Variants in SCHIP1 observed in about 807,000 individuals in gnomAD.
SCHIP1 encodes schwannomin-interacting protein 1.
In SCHIP1, 8 loss-of-function variants were observed where a neutral mutation model predicts 29.7. The observed-to-expected ratio is 0.27, with a 90% CI of 0.16 to 0.49. The LOEUF (loss-of-function observed/expected upper bound fraction) is 0.49, where lower values mean the gene tolerates loss of function less well. Ranked by LOEUF, SCHIP1 falls within the 20% of genes least tolerant of loss-of-function variation. The pLI is 0.99. For synonymous variants in SCHIP1, 76 were observed against 94.9 expected, an observed-to-expected ratio of 0.80 and a Z score of 1.16; for missense variants, 193 against 294.6, an observed-to-expected ratio of 0.66 and a Z score of 2.52.
chr3:159,313,839 T>A, the SCHIP1 span, among the ~76,000 whole-genome samples: 2 of 152,204 alleles, frequency 1.3e-5, no homozygotes, highest in Non-Finnish European at 2.9e-5. Context: ...TTCTATCACC[T>A]TAACTCCTTT....
At chr3:159,391,166 T>C in the SCHIP1 span, among the ~76,000 whole-genome samples, 10 of 152,330 alleles carry the variant, frequency 6.6e-5, no homozygotes, top group African/African-American at 1.9e-4. Flanking sequence ...TGTCCCATTA[T>C]AGTGGACATG....
At chr3:159,875,067 G>T (rs532403591) in intron 2 of SCHIP1, among the ~76,000 whole-genome samples, 3 of 149,060 alleles carry the variant, frequency 2.0e-5, no homozygotes, top group Non-Finnish European at 4.4e-5. Context: ...CTCCTCTAAG[G>T]ATTGCTTCCA....
intron 1 of SCHIP1, among the ~76,000 whole-genome samples, chr3:159,842,879 A>AC (rs957212377): frequency 4.0e-5 from 6 of 150,662 alleles, no homozygotes; most frequent in Admixed American, 2.6e-4. Flanking sequence ...TGTCGCCTCT[A>AC]CCCCCATCCA....
chr3:159,696,307 A>T, the SCHIP1 span, among the ~76,000 whole-genome samples: 2 of 152,082 alleles, frequency 1.3e-5, no homozygotes, highest in East Asian at 3.9e-4. Context: ...TCACACCTCC[A>T]TTATCTCACA....
chr3:159,717,829 G>A, the SCHIP1 span, among the ~76,000 whole-genome samples: 1 of 152,162 alleles, frequency 6.6e-6, no homozygotes, highest in Non-Finnish European at 1.5e-5. Context: ...CATTCCTTCT[G>A]AAACTATTCC....
the SCHIP1 span, among the ~76,000 whole-genome samples, chr3:159,498,165 A>G: frequency 9.8e-3 from 1,495 of 152,344 alleles, 29 homozygotes; most frequent in African/African-American, 0.034. Flanking sequence ...ATCTACATAA[A>G]AAGATCAGCC....
At chr3:159,651,853 T>A in the SCHIP1 span, among the ~76,000 whole-genome samples, 3 of 152,128 alleles carry the variant, frequency 2.0e-5, no homozygotes, top group African/African-American at 7.2e-5. Context: ...TAGGTCCACT[T>A]TGGGAGGCTG....
chr3:159,303,757 C>T, the SCHIP1 span, among the ~76,000 whole-genome samples: 2,674 of 152,044 alleles, frequency 0.018, 78 homozygotes, highest in African/African-American at 0.062. Context: ...ATTTTTAATT[C>T]AAAAATAACA....
At chr3:159,865,789 A>G (rs1030955163) in intron 1 of SCHIP1, among the ~76,000 whole-genome samples, 1 of 152,238 alleles carries the variant, frequency 6.6e-6, no homozygotes, top group African/African-American at 2.4e-5. Flanking sequence ...GATCAGGGAA[A>G]GGGCACATTT....
At chr3:159,336,424 C>T in the SCHIP1 span, among the ~76,000 whole-genome samples, 1 of 152,128 alleles carries the variant, frequency 6.6e-6, no homozygotes, top group Non-Finnish European at 1.5e-5. Flanking sequence ...TAGCCCATGC[C>T]TATGTCCTGA....
At chr3:159,525,130 T>A in the SCHIP1 span, among the ~76,000 whole-genome samples, 1 of 152,218 alleles carries the variant, frequency 6.6e-6, no homozygotes, top group Non-Finnish European at 1.5e-5. Flanking sequence ...CATGTTCAAA[T>A]GTCACATTAT....
At chr3:159,504,789 A>T in the SCHIP1 span, among the ~76,000 whole-genome samples, 1 of 152,172 alleles carries the variant, frequency 6.6e-6, no homozygotes, top group Non-Finnish European at 1.5e-5. Flanking sequence ...GTGCTGGAGA[A>T]AACTCTGTGA....
the SCHIP1 span, among the ~76,000 whole-genome samples, chr3:159,398,034 G>GT: frequency 6.6e-6 from 1 of 152,214 alleles, no homozygotes. Flanking sequence ...CTGGTGTGCT[G>GT]TTTTTTAAGC....
chr3:159,588,154 C>T, the SCHIP1 span, among the ~76,000 whole-genome samples: 1 of 152,124 alleles, frequency 6.6e-6, no homozygotes, highest in Non-Finnish European at 1.5e-5. Context: ...TTTTAATGAT[C>T]ACCATTCTAA....
the SCHIP1 span, among the ~76,000 whole-genome samples, chr3:159,463,355 T>C: frequency 6.6e-6 from 1 of 152,176 alleles, no homozygotes; most frequent in East Asian, 1.9e-4. Flanking sequence ...ACTTTGTTTT[T>C]AGTATTTTCT....
chr3:159,275,627 T>C, the SCHIP1 span, among the ~76,000 whole-genome samples: 1 of 152,218 alleles, frequency 6.6e-6, no homozygotes, highest in South Asian at 2.1e-4. Flanking sequence ...TTTATAACTA[T>C]TATCCAGCAC....
chr3:159,728,241 A>AG, the SCHIP1 span, among the ~76,000 whole-genome samples: 1 of 152,154 alleles, frequency 6.6e-6, no homozygotes, highest in Admixed American at 6.5e-5. Flanking sequence ...ACACCTAGGC[A>AG]GGGGATAAAG....
chr3:159,740,633 A>G, the SCHIP1 span, among the ~76,000 whole-genome samples: 1 of 152,152 alleles, frequency 6.6e-6, no homozygotes, highest in Non-Finnish European at 1.5e-5. Context: ...GAATTAAAAA[A>G]GCAAGTGGTC....
the SCHIP1 span, among the ~76,000 whole-genome samples, chr3:159,353,126 G>A: frequency 6.6e-6 from 1 of 152,052 alleles, no homozygotes; most frequent in Non-Finnish European, 1.5e-5. Context: ...TATAAAACCA[G>A]CTAGTTGCCC....
Sources: gnomAD v4.1 joint callset for allele counts (sites outside exome capture counted in the v4.1 genomes callset) on GRCh38, gnomAD v4.1.1 for gene constraint, MANE v1.5 for transcripts, NCBI Gene and HGNC (gene_info 2026-07-23, HGNC 2026-07-21) for gene names.